Variants in TYW1 observed in about 807,000 individuals in gnomAD.
TYW1 encodes S-adenosyl-L-methionine-dependent tRNA 4-demethylwyosine synthase TYW1.
In TYW1, 46 loss-of-function variants were observed where a neutral mutation model predicts 96.2. The ratio of observed to expected loss-of-function variants is 0.48; its 90% CI spans 0.38 to 0.61. The LOEUF (loss-of-function observed/expected upper bound fraction) is 0.61, where lower values mean the gene tolerates loss of function less well. Ranked by LOEUF, TYW1 falls within the 20% of genes least tolerant of loss-of-function variation. The pLI is 0.00. For missense variants in TYW1, 684 were observed against 909.6 expected, an observed-to-expected ratio of 0.75 and a Z score of 3.19; for synonymous variants, 274 against 323.0, an observed-to-expected ratio of 0.85 and a Z score of 1.63.
intron 3 of TYW1, 21 bp from the exon 4 acceptor site, chr7:67,009,562 T>C (rs1446960948): frequency 1.2e-6 from 2 of 1,603,932 alleles, no homozygotes; most frequent in Admixed American, 3.4e-5. Flanking sequence ...CTTTATTTGA[T>C]GTTTTTTTTG....
chr7:67,194,864 A>G (rs1270719240), intron 14 of TYW1, among the ~76,000 whole-genome samples: 2 of 143,174 alleles, frequency 1.4e-5, no homozygotes, highest in African/African-American at 2.7e-5. Flanking sequence ...ATCAAAAGAC[A>G]TGCTGTTGAT....
At chr7:67,142,107 T>A (rs1798468582) in intron 13 of TYW1, among the ~76,000 whole-genome samples, 1 of 152,126 alleles carries the variant, frequency 6.6e-6, no homozygotes, top group Admixed American at 6.5e-5. Flanking sequence ...AGTGCTATTA[T>A]TATTTAGAGA....
chr7:67,052,260 G>T (rs1018029597), intron 8 of TYW1, among the ~76,000 whole-genome samples: 1 of 151,926 alleles, frequency 6.6e-6, no homozygotes, highest in Admixed American at 6.6e-5. Context: ...CCACCCACTT[G>T]CTTCCTAGAA....
chr7:67,013,180 G>T (rs80186674), intron 4 of TYW1, among the ~76,000 whole-genome samples: 26,910 of 149,546 alleles, frequency 0.18, 2,576 homozygotes, highest in East Asian at 0.39. Context: ...CAGTGTGCAG[G>T]GGTGTGATGG....
chr7:67,063,996 A>G lies in TYW1; in HGVS notation c.1156-3289A>G, dbSNP rs146698046. ...AAGTAATATGCTTCGATTTACATTTAACAAAACATACACAGGACTGGATGC... is the reference window on the plus strand; with the variant it reads ...AAGTAATATGCTTCGATTTACATTTGACAAAACATACACAGGACTGGATGC... On this transcript the variant is annotated intron_variant, in intron 9 of 15. Transcript: ENST00000359626. 9.8e-3 allele frequency among the ~76,000 whole-genome samples: 1,488 copies of G among 152,336 alleles called. 17 individuals are homozygous for G. Among genetic ancestry groups the G allele is most frequent in the Non-Finnish European group, 0.017 (1,142 of 68,022 alleles).
At chr7:67,220,704 C>G (rs376480355) in intron 15 of TYW1, among the ~76,000 whole-genome samples, 1 of 150,950 alleles carries the variant, frequency 6.6e-6, no homozygotes, top group Non-Finnish European at 1.5e-5. Flanking sequence ...GTTGGCTTAT[C>G]GTGCCCTTCA....
At position 67,073,702 on chromosome 7, in the gene TYW1, A is replaced by AGGTGGAGGTTGCAGT. The variant is rs537457221; in HGVS notation, c.1274+6301_1274+6315dup. On this transcript the variant is annotated intron_variant, in intron 10 of 15. Transcript: ENST00000359626. ...GGCAGGAGAACTGCTTGAACCCAGG[A>AGGTGGAGGTTGCAGT]GGTGGAGGTTGCAGTGAGCTATCAT... 4.8e-3 allele frequency among the ~76,000 whole-genome samples: 587 copies of AGGTGGAGGTTGCAGT among 121,858 alleles called. 1 individual carries two copies. The highest frequency in any genetic ancestry group is 0.011 in the Admixed American group (105 of 9,132). The allele number at this position is 121,858 out of a possible 152,430, so 79.9% of individuals were successfully genotyped here.
intron 13 of TYW1, among the ~76,000 whole-genome samples, chr7:67,125,191 A>G (rs1394516736): frequency 6.6e-6 from 1 of 152,186 alleles, no homozygotes; most frequent in Non-Finnish European, 1.5e-5. Flanking sequence ...TCATTTTAAC[A>G]AAGTCTAGTT....
At chr7:67,159,157 C>G (rs1799078483) in intron 13 of TYW1, among the ~76,000 whole-genome samples, 1 of 152,094 alleles carries the variant, frequency 6.6e-6, no homozygotes, top group South Asian at 2.1e-4. Flanking sequence ...GATCCTTTGT[C>G]TAAGTATTAT....
intron 13 of TYW1, among the ~76,000 whole-genome samples, chr7:67,156,336 G>T (rs1409215748): frequency 6.6e-6 from 1 of 152,238 alleles, no homozygotes; most frequent in Non-Finnish European, 1.5e-5. Flanking sequence ...GCGGTGACAG[G>T]TGGAGTGGGT....
At chr7:67,010,798 G>A (rs1043821957) in intron 4 of TYW1, among the ~76,000 whole-genome samples, 1 of 151,988 alleles carries the variant, frequency 6.6e-6, no homozygotes, top group Non-Finnish European at 1.5e-5. Flanking sequence ...TAGAGATACG[G>A]TCTCACTATA....
chr7:67,177,541 GA>G (rs1194139642), intron 13 of TYW1, among the ~76,000 whole-genome samples: 1 of 152,116 alleles, frequency 6.6e-6, no homozygotes, highest in African/African-American at 2.4e-5. Context: ...TTCCAACAGA[GA>G]AATATTCAAG....
At chr7:67,188,180 C>T (rs796930962) in intron 14 of TYW1, among the ~76,000 whole-genome samples, 20 of 151,850 alleles carry the variant, frequency 1.3e-4, no homozygotes, top group African/African-American at 4.6e-4. Context: ...ATTAGCTGGG[C>T]GTGGTGGCAG....
At chr7:67,219,294 G>A (rs991581253) in intron 15 of TYW1, among the ~76,000 whole-genome samples, 4 of 152,080 alleles carry the variant, frequency 2.6e-5, no homozygotes, top group African/African-American at 9.7e-5. Context: ...TTGGCTTGCT[G>A]GTGTTTTGAG....
At chr7:67,077,790 C>T (rs1299271973) in intron 10 of TYW1, among the ~76,000 whole-genome samples, 1 of 152,100 alleles carries the variant, frequency 6.6e-6, no homozygotes, top group Non-Finnish European at 1.5e-5. Flanking sequence ...CCTGTAATTT[C>T]GAAGTTCTAT....
At chr7:67,117,447 A>T (rs765327724) in intron 12 of TYW1, 36 bp from the exon 13 acceptor site, 1 of 1,587,868 alleles carries the variant, frequency 6.3e-7, no homozygotes, top group African/African-American at 1.4e-5. Context: ...TAGAGGAATA[A>T]TTTTTCTTTC....
chr7:67,208,836 C>A (rs1161352162), intron 15 of TYW1, among the ~76,000 whole-genome samples: 1 of 152,048 alleles, frequency 6.6e-6, no homozygotes, highest in Non-Finnish European at 1.5e-5. Context: ...GTCTTATGAT[C>A]TGTATCACCC....
intron 3 of TYW1, among the ~76,000 whole-genome samples, chr7:67,002,856 CT>C (rs547425705): frequency 1.8e-3 from 199 of 110,826 alleles, no homozygotes; most frequent in African/African-American, 2.5e-3. Flanking sequence ...TTTCTTTTTT[CT>C]TTTTTTTTTT....
At chr7:67,092,915 C>T (rs1796772657) in intron 11 of TYW1, among the ~76,000 whole-genome samples, 1 of 151,916 alleles carries the variant, frequency 6.6e-6, no homozygotes, top group Admixed American at 6.6e-5. Flanking sequence ...GAACCCCTAA[C>T]CTCATGATCC....
Sources: gnomAD v4.1 joint callset for allele counts (sites outside exome capture counted in the v4.1 genomes callset) on GRCh38, gnomAD v4.1.1 for gene constraint, MANE v1.5 for transcripts, NCBI Gene and HGNC (gene_info 2026-07-23, HGNC 2026-07-21) for gene names.